Variants in FRMD4B observed in about 807,000 individuals in gnomAD.
FRMD4B encodes FERM domain-containing protein 4B.
In FRMD4B, 74 loss-of-function variants were observed where a neutral mutation model predicts 141.5. The observed-to-expected ratio is 0.52, with a 90% CI of 0.43 to 0.63. The LOEUF (loss-of-function observed/expected upper bound fraction) is 0.63. FRMD4B is among the 30% of genes least tolerant of loss of function. FRMD4B has a pLI of 0.00. For missense variants in FRMD4B, 1,366 were observed against 1,253.4 expected, an observed-to-expected ratio of 1.09 and a Z score of -1.36; for synonymous variants, 506 against 467.9, an observed-to-expected ratio of 1.08 and a Z score of -1.05.
intron 1 of FRMD4B, among the ~76,000 whole-genome samples, chr3:69,322,790 G>T (rs1016805626): frequency 6.6e-6 from 1 of 151,890 alleles, no homozygotes; most frequent in Non-Finnish European, 1.5e-5. Flanking sequence ...GTAGAGATGG[G>T]GTCTTGCTGT....
At chr3:69,459,794 TA>T (rs1705682609) in intron 1 of FRMD4B, among the ~76,000 whole-genome samples, 2 of 152,354 alleles carry the variant, frequency 1.3e-5, no homozygotes, top group South Asian at 4.1e-4. Context: ...ACCAGGAGCA[TA>T]ACAGGCACTT....
Position 69,295,478 on chromosome 3 carries a change from T to A in FRMD4B, c.416+6865A>T, listed in dbSNP as rs555145823. Among the ~76,000 whole-genome samples the A allele has an allele frequency of 5.9e-5, 9 of 152,072 alleles. No homozygotes were observed. In the South Asian group the frequency reaches 8.3e-4, roughly 14 times the overall value. ...CTGTGACTGCAGGCACGCACTACCATGCAAGGCTAATTATTGTATTTTTTG... is the reference window on the plus strand; with the variant it reads ...CTGTGACTGCAGGCACGCACTACCAAGCAAGGCTAATTATTGTATTTTTTG... On this transcript the variant is annotated intron_variant, in intron 4 of 22. Coordinates refer to ENST00000398540, the MANE Select transcript of FRMD4B (RefSeq NM_015123.3).
chr3:69,336,234 G>A (rs1240014610), intron 1 of FRMD4B, among the ~76,000 whole-genome samples: 1 of 152,196 alleles, frequency 6.6e-6, no homozygotes, highest in Non-Finnish European at 1.5e-5. Flanking sequence ...GCTCATCAGT[G>A]GTTCTTGAAG....
chr3:69,238,242 G>GA (rs2093359064), intron 7 of FRMD4B, among the ~76,000 whole-genome samples: 1 of 152,082 alleles, frequency 6.6e-6, no homozygotes, highest in Non-Finnish European at 1.5e-5. Flanking sequence ...ACATACCTAG[G>GA]AAAAAATCAA....
At chr3:69,296,727 AT>A (rs1244684681) in intron 4 of FRMD4B, among the ~76,000 whole-genome samples, 1 of 152,160 alleles carries the variant, frequency 6.6e-6, no homozygotes, top group East Asian at 1.9e-4. Context: ...TCCTCTCATT[AT>A]TGTAAATCAC....
intron 1 of FRMD4B, among the ~76,000 whole-genome samples, chr3:69,346,133 T>C (rs1702932821): frequency 6.6e-6 from 1 of 152,036 alleles, no homozygotes; most frequent in South Asian, 2.1e-4. Flanking sequence ...AGAGATGTCC[T>C]TAAATGACCT....
At chr3:69,441,129 T>C (rs1466020557) in intron 1 of FRMD4B, among the ~76,000 whole-genome samples, 1 of 152,204 alleles carries the variant, frequency 6.6e-6, no homozygotes, top group Non-Finnish European at 1.5e-5. Context: ...TGAGGCTTTC[T>C]GTTACACTAA....
intron 1 of FRMD4B, among the ~76,000 whole-genome samples, chr3:69,491,675 C>G (rs1198639899): frequency 6.6e-6 from 1 of 152,206 alleles, no homozygotes; most frequent in Non-Finnish European, 1.5e-5. Flanking sequence ...AAGCACCACA[C>G]AGTCAATCAA....
intron 1 of FRMD4B, among the ~76,000 whole-genome samples, chr3:69,516,097 T>G (rs1033850501): frequency 6.6e-6 from 1 of 152,026 alleles, no homozygotes; most frequent in African/African-American, 2.4e-5. Context: ...TGGTGGTGCA[T>G]GCCTGTAGTC....
At chr3:69,402,563 T>C (rs1309408873) in intron 2 of FRMD4B, among the ~76,000 whole-genome samples, 2 of 152,186 alleles carry the variant, frequency 1.3e-5, no homozygotes, top group African/African-American at 4.8e-5. Flanking sequence ...GATGTTTTGT[T>C]TATCTTTGTA....
rs149828359 is a variant in FRMD4B at position 69,460,524 on chromosome 3, G to T, written c.-128-27763C>A. 2.3e-3 allele frequency among the ~76,000 whole-genome samples: 343 copies of T among 152,234 alleles called. 3 individuals carry two copies. The highest frequency in any genetic ancestry group is 0.01 in the Middle Eastern group (3 of 294). ...AATTGTCATCAGTAATTCCCAAACT[G>T]GTTGCACACCAGAATCTTCTGGAAA... On this transcript the variant is annotated intron_variant, in intron 1 of 5. Transcript: ENST00000459638.
At chr3:69,213,523 C>T (rs1451289554) in intron 11 of FRMD4B, among the ~76,000 whole-genome samples, 2 of 151,976 alleles carry the variant, frequency 1.3e-5, no homozygotes, top group Non-Finnish European at 2.9e-5. Context: ...TTATACTCCT[C>T]CTGGAAATTA....
intron 1 of FRMD4B, among the ~76,000 whole-genome samples, chr3:69,476,877 CA>C (rs1332050013): frequency 6.6e-6 from 1 of 152,156 alleles, no homozygotes; most frequent in Non-Finnish European, 1.5e-5. Context: ...TCTTTTATTT[CA>C]CTGAGCAGTG....
chr3:69,458,449 A>G (rs1224747780), intron 1 of FRMD4B, among the ~76,000 whole-genome samples: 1 of 152,226 alleles, frequency 6.6e-6, no homozygotes, highest in East Asian at 1.9e-4. Context: ...TGAGAAGACA[A>G]CATTTAAACT....
chr3:69,289,667 CG>C (rs752942335), intron 4 of FRMD4B, among the ~76,000 whole-genome samples: 12 of 151,996 alleles, frequency 7.9e-5, no homozygotes, highest in Non-Finnish European at 1.0e-4. Flanking sequence ...TGGTGGCGGG[CG>C]GGCACCTGTA....
chr3:69,449,798 A>G (rs1247887968), intron 1 of FRMD4B, among the ~76,000 whole-genome samples: 1 of 152,188 alleles, frequency 6.6e-6, no homozygotes, highest in African/African-American at 2.4e-5. Context: ...AACCCAGAAA[A>G]GCACAAAGAA....
At chr3:69,408,975 T>C (rs567280770) in intron 2 of FRMD4B, among the ~76,000 whole-genome samples, 1 of 152,252 alleles carries the variant, frequency 6.6e-6, no homozygotes, top group South Asian at 2.1e-4. Context: ...GAGGAATTAT[T>C]TAACCACCTT....
intron 1 of FRMD4B, among the ~76,000 whole-genome samples, chr3:69,372,364 G>C (rs891033696): frequency 2.0e-5 from 3 of 152,168 alleles, no homozygotes; most frequent in African/African-American, 7.2e-5. Context: ...TCAATAAAAA[G>C]TGCTTTAATA....
chr3:69,196,144 C>T (rs2092901079), intron 14 of FRMD4B, 111 bp downstream of exon 14: 1 of 839,216 alleles, frequency 1.2e-6, no homozygotes. Context: ...TATTGACATA[C>T]TTATTTATTC....
Sources: allele counts gnomAD v4.1 joint callset (sites outside exome capture counted in the v4.1 genomes callset), GRCh38; gene constraint gnomAD v4.1.1; transcripts MANE v1.5; gene names NCBI Gene and HGNC (gene_info 2026-07-23, HGNC 2026-07-21).